The following IKBKE variants were observed in gnomAD, a reference collection of about 807,000 sequenced individuals.
The protein encoded by IKBKE is inhibitor of nuclear factor kappa-B kinase subunit epsilon.
IKBKE carries 45 observed loss-of-function variants against 92.1 expected under a neutral mutation model. That is an observed-to-expected ratio of 0.49 (90% CI 0.38 to 0.63). IKBKE has a LOEUF of 0.63. Among genes scored for constraint, IKBKE ranks in the 20% least tolerant of loss-of-function variants. The pLI is 0.00. For missense variants in IKBKE, 700 were observed against 932.8 expected (o/e 0.75, Z 3.25); for synonymous variants, 374 against 380.3 (o/e 0.98, Z 0.19).
intron 12 of IKBKE, 48 bp downstream of exon 12, chr1:206,480,161 G>C (rs1308106120): frequency 6.1e-6 from 8 of 1,319,030 alleles, no homozygotes; most frequent in Non-Finnish European, 8.1e-6. Flanking sequence ...GGGCAGGAGA[G>C]GGAGGCGGAC....
chr1:206,475,174 AGGT>A, intron 5 of IKBKE, 180 bp downstream of exon 5: 1 of 620,280 alleles, frequency 1.6e-6, no homozygotes, highest in Non-Finnish European at 2.7e-6. Flanking sequence ...AATAGCCAAA[AGGT>A]GGAAACATCC....
chr1:206,474,738 G>A (rs1664964429), intron 4 of IKBKE, 127 bp from the exon 5 acceptor site: 1 of 1,161,258 alleles, frequency 8.6e-7, no homozygotes, highest in Admixed American at 2.4e-5. Flanking sequence ...AGGCCAAGGA[G>A]GGAAGGCCAG....
In IKBKE at chr1:206,496,422, G is replaced by T. The variant is rs1666240748; in HGVS notation, c.*277G>T. 1 of 484,096 alleles carries T rather than the reference G, an allele frequency of 2.1e-6. No homozygotes were observed. Among genetic ancestry groups the T allele is most frequent in the Admixed American group, 3.6e-5 (1 of 27,846 alleles). 30.0% of individuals were successfully genotyped at this position (484,096 alleles called of 1,614,324 possible). On this transcript the variant is annotated 3_prime_UTR_variant, in exon 22 of 22. Transcript: ENST00000581977. Reference sequence around the variant, plus strand: ...GACCTTTCTATCTTCTCTAGGCTCAGGTACTGCTCCTCCATGCCCATGGCT... The same window carrying T: ...GACCTTTCTATCTTCTCTAGGCTCATGTACTGCTCCTCCATGCCCATGGCT...
intron 4 of IKBKE, among the ~76,000 whole-genome samples, 158 bp downstream of exon 4, chr1:206,474,629 G>A (rs1375640756): frequency 6.6e-6 from 1 of 152,042 alleles, no homozygotes; most frequent in Non-Finnish European, 1.5e-5. Flanking sequence ...AAGGGGGTGG[G>A]GGCGGTGCAC....
chr1:206,478,026 C>G lies in IKBKE; in HGVS notation c.813-134C>G. ...CTGGAACGAGTTCTTCCAGCTCTTC[C>G]TCCCCAACCCACCCTGCCCCACCAT... On this transcript the variant is annotated intron_variant, in intron 8 of 21. Coordinates refer to ENST00000581977, the MANE Select transcript of IKBKE (RefSeq NM_014002.4). The surrounding 1 kb of genome is among the most constrained non-coding windows in gnomAD (Gnocchi z 4.8). 1.2e-6 allele frequency: 1 copy of G among 820,512 alleles called. No individual in the cohort carries two copies. The highest frequency in any genetic ancestry group is 2.0e-6 in the Non-Finnish European group (1 of 511,016). The allele number at this position is 820,512 out of a possible 1,614,324, so 50.8% of individuals were successfully genotyped here.
Position 206,490,217 on chromosome 1 carries a change from G to C in IKBKE, c.1694-602G>C, listed in dbSNP as rs1665878090. On this transcript the variant is annotated intron_variant, in intron 16 of 21. Coordinates refer to ENST00000581977, the MANE Select transcript of IKBKE (RefSeq NM_014002.4). The surrounding 1 kb of genome is among the most constrained non-coding windows in gnomAD (Gnocchi z 5.2). The stretch of plus-strand genomic sequence containing the variant: ...TGAACCGCCATCATCATTTCATCTT[G>C]GGGCTGCCGCCACCCTGGAGGCCCA... 6.6e-6 allele frequency among the ~76,000 whole-genome samples: 1 copy of C among 152,162 alleles called. No homozygotes were observed. The highest frequency in any genetic ancestry group is 1.5e-5 in the Non-Finnish European group (1 of 68,030).
chr1:206,489,363 G>GTGTGTATATATATGTATATATATA (rs1186661132), intron 16 of IKBKE, among the ~76,000 whole-genome samples: 465 of 28,288 alleles, frequency 0.016, 2 homozygotes, highest in African/African-American at 0.039. Context: ...GTGTGTGTGT[G>GTGTGTATATATATGTATATATATA]TGTGTGTATA....
chr1:206,480,982 G>A (rs1665354297), intron 13 of IKBKE, among the ~76,000 whole-genome samples: 1 of 152,172 alleles, frequency 6.6e-6, no homozygotes, highest in Non-Finnish European at 1.5e-5. Context: ...CTTTCTCTGA[G>A]TCTTCAACTT....
chr1:206,474,804 T>G (rs1953090), intron 4 of IKBKE, 61 bp from the exon 5 acceptor site: 403,514 of 1,586,404 alleles, frequency 0.25, 52,698 homozygotes, highest in Non-Finnish European at 0.26. Flanking sequence ...GAGCCACTTC[T>G]TCCTGGTGGG....
At chr1:206,483,250 C>G (rs1171515189) in intron 13 of IKBKE, among the ~76,000 whole-genome samples, 1 of 152,208 alleles carries the variant, frequency 6.6e-6, no homozygotes, top group African/African-American at 2.4e-5. Context: ...GAGCCTGAGG[C>G]CTGGAGAGCT....
Position 206,493,335 on chromosome 1 carries a change from A to C in IKBKE, c.2002A>C (p.Ile668Leu), listed in dbSNP as rs782630908. ...AKGAQASPPPIAPYPSPTRKD... is the reference protein window; with the variant it reads ...AKGAQASPPPLAPYPSPTRKD... ...GGGGGCTCAGGCCTCGCCGCCTCCC[A>C]TAGCTCCTTACCCCAGCCCTACACG... Residue 668 changes from isoleucine to leucine, a missense_variant, in exon 20 of 22, where the codon ATA becomes CTA. Physicochemically the swap from Ile to Leu is conservative, Grantham distance 5 (BLOSUM62 2). Coordinates refer to ENST00000581977, the MANE Select transcript of IKBKE (RefSeq NM_014002.4). The C allele has an allele frequency of 9.9e-6, 16 of 1,614,024 alleles. No homozygotes were observed. Among genetic ancestry groups the C allele is most frequent in the Non-Finnish European group, 1.0e-5 (12 of 1,180,004 alleles).
At position 206,470,584 on chromosome 1, in the gene IKBKE, G is replaced by A. The variant is rs1664721069; in HGVS notation, c.-237G>A. 2 of 152,294 alleles carry A rather than the reference G, an allele frequency of 1.3e-5. No homozygotes were observed. Among genetic ancestry groups the A allele is most frequent in the Admixed American group, 1.3e-4 (2 of 15,292 alleles). 9.4% of individuals were successfully genotyped at this position (152,294 alleles called of 1,614,324 possible). ...CAACTGGCCCTGCCTGTGGGTCCTA[G>A]GGGCCCTTGGCTACCAGGAGGCTAA... On this transcript the variant is annotated 5_prime_UTR_variant, in exon 1 of 22. Transcript: ENST00000581977.
chr1:206,495,552 C>G (rs999608044), intron 21 of IKBKE, among the ~76,000 whole-genome samples: 2 of 152,118 alleles, frequency 1.3e-5, no homozygotes, highest in African/African-American at 4.8e-5. Context: ...GGAATCTCCT[C>G]CCTGTCCTGT....
intron 5 of IKBKE, 57 bp downstream of exon 5, chr1:206,475,051 A>T: frequency 6.3e-7 from 1 of 1,575,188 alleles, no homozygotes; most frequent in Non-Finnish European, 8.7e-7. Flanking sequence ...CCTGGGACAG[A>T]TGCTGACAGG....
Position 206,476,990 on chromosome 1 carries a change from T to C in IKBKE, c.701+152T>C, listed in dbSNP as rs1330061363. The C allele has an allele frequency of 1.0e-5, 8 of 787,744 alleles. No homozygotes were observed. The highest frequency in any genetic ancestry group is 8.7e-5 in the African/African-American group (5 of 57,374). The allele number at this position is 787,744 out of a possible 1,614,324, so 48.8% of individuals were successfully genotyped here. ...CAGGCTCTTTGTAGATCTTTTTTTG[T>C]TAATGGGATCAAACAAGCAGCTGAG... On this transcript the variant is annotated intron_variant, in intron 7 of 21. Transcript: ENST00000581977. The surrounding 1 kb of genome is among the most constrained non-coding windows in gnomAD (Gnocchi z 5.1).
intron 13 of IKBKE, 36 bp downstream of exon 13, chr1:206,480,569 GCC>G: frequency 1.4e-6 from 2 of 1,479,128 alleles, no homozygotes; most frequent in Non-Finnish European, 1.9e-6. Flanking sequence ...GGACCTCTCA[GCC>G]CTGCCTTGTC....
chr1:206,480,299 G>A lies in IKBKE; in HGVS notation c.1341-148G>A. The A allele has an allele frequency of 2.0e-5, 14 of 702,252 alleles. No individual in the cohort carries two copies. The South Asian group carries it at 2.4e-4, about 12-fold the overall frequency. The allele number at this position is 702,252 out of a possible 1,614,324, so 43.5% of individuals were successfully genotyped here. A position where few individuals can be genotyped will look rare whatever the true frequency, so the allele number is the denominator to read the frequency against. On this transcript the variant is annotated intron_variant, in intron 12 of 21. Transcript: ENST00000581977. Reference sequence around the variant, plus strand: ...GGGAGGCGGGCTGGAGGGGGAGGCGGGCTGTAGGTGGAGGCAGGCCGGAGG... The same window carrying A: ...GGGAGGCGGGCTGGAGGGGGAGGCGAGCTGTAGGTGGAGGCAGGCCGGAGG...
intron 13 of IKBKE, among the ~76,000 whole-genome samples, chr1:206,483,668 A>C (rs1665511845): frequency 1.3e-5 from 2 of 152,254 alleles, no homozygotes; most frequent in South Asian, 4.1e-4. Flanking sequence ...AAACAGAGAT[A>C]AGCAAAAATA....
At chr1:206,477,387 C>A (rs1409687237) in intron 7 of IKBKE, among the ~76,000 whole-genome samples, 1 of 152,080 alleles carries the variant, frequency 6.6e-6, no homozygotes, top group Non-Finnish European at 1.5e-5. Context: ...AGAAGACCAG[C>A]ATGGATGGGG....
Sources: allele counts gnomAD v4.1 joint callset (sites outside exome capture counted in the v4.1 genomes callset), GRCh38; gene constraint gnomAD v4.1.1; non-coding constraint Gnocchi (gnomAD v3.1); transcripts MANE v1.5; gene names NCBI Gene and HGNC (gene_info 2026-07-23, HGNC 2026-07-21).